TIAM1: variants seen among roughly 807,000 people sequenced by gnomAD.
The protein encoded by TIAM1 is rho guanine nucleotide exchange factor TIAM1.
Under a neutral mutation model 163.5 loss-of-function variants are expected in TIAM1, and 65 were observed. The observed-to-expected ratio is 0.40, with a 90% CI of 0.33 to 0.49. The LOEUF (loss-of-function observed/expected upper bound fraction) is 0.49, where lower values mean the gene tolerates loss of function less well. Among genes scored for constraint, TIAM1 ranks in the 20% least tolerant of loss-of-function variants. The pLI, the probability that TIAM1 is intolerant of heterozygous loss-of-function variation, is 0.77. For missense variants in TIAM1, 1,789 were observed against 2,044.7 expected (o/e 0.87, Z 2.41); for synonymous variants, 833 against 810.1 (o/e 1.03, Z -0.48).
intron 2 of TIAM1, among the ~76,000 whole-genome samples, chr21:31,306,502 CTG>C: frequency 6.6e-6 from 1 of 152,270 alleles, no homozygotes; most frequent in East Asian, 1.9e-4. Flanking sequence ...GCTGGCAATG[CTG>C]TCTTAACCAA....
chr21:31,557,269 T>A (rs1352246037), intron 1 of TIAM1, among the ~76,000 whole-genome samples: 1 of 152,154 alleles, frequency 6.6e-6, no homozygotes, highest in African/African-American at 2.4e-5. Context: ...ATGCCTTTTA[T>A]AATAAAAAGA....
chr21:31,374,601 A>G (rs1350336352), intron 2 of TIAM1, among the ~76,000 whole-genome samples: 1 of 152,204 alleles, frequency 6.6e-6, no homozygotes, highest in African/African-American at 2.4e-5. Context: ...GTGAAACTCA[A>G]GACTCCCTGG....
intron 19 of TIAM1, among the ~76,000 whole-genome samples, chr21:31,150,394 A>AAGG (rs2083321260): frequency 2.6e-5 from 4 of 152,184 alleles, no homozygotes; most frequent in Admixed American, 2.6e-4. Context: ...CAAGTGTTAG[A>AAGG]AGGCAGGCAA....
chr21:31,252,850 A>G (rs1378826694), intron 4 of TIAM1, among the ~76,000 whole-genome samples: 1 of 152,148 alleles, frequency 6.6e-6, no homozygotes, highest in South Asian at 2.1e-4. Flanking sequence ...ATTGTGCTAA[A>G]TAAGTCTGTG....
At chr21:31,522,234 C>T (rs1021962260) in intron 1 of TIAM1, among the ~76,000 whole-genome samples, 3 of 150,936 alleles carry the variant, frequency 2.0e-5, no homozygotes, top group Admixed American at 2.0e-4. Flanking sequence ...TTGCTGGGCC[C>T]GGTGGCTCAT....
At chr21:31,535,315 A>C (rs2048094750) in intron 1 of TIAM1, among the ~76,000 whole-genome samples, 1 of 134,658 alleles carries the variant, frequency 7.4e-6, no homozygotes, top group African/African-American at 2.8e-5. Context: ...TGGGAGGAGG[A>C]GATTGCAGTG....
intron 1 of TIAM1, among the ~76,000 whole-genome samples, chr21:31,472,941 C>T (rs2045799730): frequency 6.6e-6 from 1 of 152,178 alleles, no homozygotes; most frequent in Admixed American, 6.5e-5. Flanking sequence ...TGCTGCAAGT[C>T]TTCGCACTCC....
rs1054814832 is a variant in TIAM1, at chr21:31,544,945, G to A, written c.-422+13982C>T. ...GGAGAATGGCGTGAACCCGGGAGGCGGAGCTTGCAGTAAGCCAAGATCACG... is the reference window on the plus strand; with the variant it reads ...GGAGAATGGCGTGAACCCGGGAGGCAGAGCTTGCAGTAAGCCAAGATCACG... On this transcript the variant is annotated intron_variant, in intron 1 of 28. Transcript: ENST00000286827. Among the ~76,000 whole-genome samples the A allele has an allele frequency of 2.0e-5, 3 of 151,828 alleles. 1 individual carries two copies.
intron 2 of TIAM1, among the ~76,000 whole-genome samples, chr21:31,370,987 A>G (rs569008): frequency 0.29 from 44,643 of 151,974 alleles, 6,881 homozygotes; most frequent in African/African-American, 0.36. Context: ...CCAGTGTCCC[A>G]GGCTTTTCAG....
At chr21:31,135,865 G>A (rs966115730) in intron 23 of TIAM1, 68 bp downstream of exon 23, 1 of 1,438,230 alleles carries the variant, frequency 7.0e-7, no homozygotes, top group Non-Finnish European at 9.8e-7. Flanking sequence ...TCTTGAAAAA[G>A]AAATGTTCTT....
intron 2 of TIAM1, among the ~76,000 whole-genome samples, chr21:31,389,514 A>G (rs533471149): frequency 8.9e-4 from 135 of 152,324 alleles, no homozygotes; most frequent in Non-Finnish European, 1.6e-3. Flanking sequence ...CAGGCTTCCC[A>G]ACCATTTAAA....
chr21:31,427,817 G>C (rs1295071135), intron 2 of TIAM1, among the ~76,000 whole-genome samples: 2 of 152,050 alleles, frequency 1.3e-5, no homozygotes, highest in African/African-American at 4.8e-5. Flanking sequence ...CTGGACAACA[G>C]AGCAATACCC....
At position 31,378,861 on chromosome 21, in the gene TIAM1, T is replaced by G. The variant is rs117390252; in HGVS notation, c.-368-39439A>C. Among the ~76,000 whole-genome samples the G allele has an allele frequency of 7.1e-4, 108 of 152,306 alleles. 4 individuals are homozygous for G. In the East Asian group the frequency reaches 0.019, roughly 27 times the overall value. ...CTAAATAATGCAGTATAACAACAAT[T>G]TACATAGCATTTACATTGCATTAGG... On this transcript the variant is annotated intron_variant, in intron 2 of 28. Coordinates refer to the TIAM1 transcript ENST00000286827.
chr21:31,400,199 C>T (rs2147216692), intron 2 of TIAM1, among the ~76,000 whole-genome samples: 1 of 152,008 alleles, frequency 6.6e-6, no homozygotes. Context: ...GTGATCTTGG[C>T]TCACTGCAAC....
At chr21:31,227,913 C>T (rs2088083031) in intron 6 of TIAM1, among the ~76,000 whole-genome samples, 1 of 151,820 alleles carries the variant, frequency 6.6e-6, no homozygotes, top group East Asian at 1.9e-4. Flanking sequence ...ATACTCCCAG[C>T]CCTTTTTTTT....
At chr21:31,476,704 G>A (rs1244927472) in intron 1 of TIAM1, among the ~76,000 whole-genome samples, 1 of 152,078 alleles carries the variant, frequency 6.6e-6, no homozygotes. Flanking sequence ...TTTCAGTCCC[G>A]AACAGTTTTT....
chr21:31,537,536 G>A (rs1195105122), intron 1 of TIAM1, among the ~76,000 whole-genome samples: 1 of 151,774 alleles, frequency 6.6e-6, no homozygotes, highest in Non-Finnish European at 1.5e-5. Context: ...TGGATCGCTC[G>A]AGGCCAGGAG....
intron 2 of TIAM1, among the ~76,000 whole-genome samples, chr21:31,448,601 A>G (rs1033109368): frequency 2.6e-5 from 3 of 117,000 alleles, no homozygotes; most frequent in African/African-American, 3.6e-5. Context: ...GAGAGACTCC[A>G]TCTCAATTAA....
chr21:31,502,023 C>G (rs1336117203), intron 1 of TIAM1, among the ~76,000 whole-genome samples: 1 of 152,330 alleles, frequency 6.6e-6, no homozygotes, highest in African/African-American at 2.4e-5. Flanking sequence ...AGAGCAGGCA[C>G]TGCCTTGTCC....
Sources: gnomAD v4.1 joint callset for allele counts (sites outside exome capture counted in the v4.1 genomes callset) on GRCh38, gnomAD v4.1.1 for gene constraint, MANE v1.5 for transcripts, NCBI Gene and HGNC (gene_info 2026-07-23, HGNC 2026-07-21) for gene names.